Variants in MINDY3 observed in about 807,000 individuals in gnomAD.
The protein encoded by MINDY3 is MINDY lysine 48 deubiquitinase 3.
In MINDY3, 38 loss-of-function variants were observed where a neutral mutation model predicts 69.2. That is an observed-to-expected ratio of 0.55 (90% CI 0.42 to 0.72). The LOEUF is 0.72. MINDY3 is among the 30% of genes least tolerant of loss of function. MINDY3 has a pLI of 0.00. For synonymous variants in MINDY3, 192 were observed against 180.1 expected, an observed-to-expected ratio of 1.07 and a Z score of -0.53; for missense variants, 522 against 519.0, an observed-to-expected ratio of 1.01 and a Z score of -0.06.
chr10:15,798,162 T>C (rs1837976163), intron 10 of MINDY3, among the ~76,000 whole-genome samples: 1 of 152,196 alleles, frequency 6.6e-6, no homozygotes, highest in Non-Finnish European at 1.5e-5. Flanking sequence ...TGGTAATTTC[T>C]AAGTATTATT....
At chr10:15,858,791 T>C (rs141354676) in intron 1 of MINDY3, among the ~76,000 whole-genome samples, 29 of 152,332 alleles carry the variant, frequency 1.9e-4, no homozygotes, top group African/African-American at 5.3e-4. Flanking sequence ...GTTAACTGAT[T>C]ACAATGGAAG....
intron 1 of MINDY3, among the ~76,000 whole-genome samples, chr10:15,848,487 A>G (rs1588649355): frequency 6.6e-6 from 1 of 152,040 alleles, no homozygotes; most frequent in East Asian, 1.9e-4. Flanking sequence ...ACAAAAAATT[A>G]GCCAGGTGTG....
At chr10:15,831,065 A>G (rs377603697) in intron 8 of MINDY3, among the ~76,000 whole-genome samples, 2 of 152,220 alleles carry the variant, frequency 1.3e-5, no homozygotes, top group East Asian at 1.9e-4. Context: ...TTGAGATTCT[A>G]AAGTCAGCTG....
At chr10:15,799,463 C>G (rs1420830865) in intron 10 of MINDY3, among the ~76,000 whole-genome samples, 1 of 152,130 alleles carries the variant, frequency 6.6e-6, no homozygotes, top group South Asian at 2.1e-4. Flanking sequence ...TCCTAAAGTG[C>G]TGGGATTACA....
Position 15,814,400 on chromosome 10 carries a change from G to A in MINDY3, c.882+2435C>T, listed in dbSNP as rs75720422. On this transcript the variant is annotated intron_variant, in intron 10 of 14. Coordinates refer to ENST00000277632, the MANE Select transcript of MINDY3 (RefSeq NM_024948.4). ...TAAAATATTCTTAGGGGATATAAAC[G>A]TCACTGGAACCCAAATGCGGGAAAT... Among the ~76,000 whole-genome samples, 8 of 151,712 alleles carry A rather than the reference G, an allele frequency of 5.3e-5. No individual in the cohort carries two copies. In the South Asian group the frequency reaches 8.3e-4, roughly 16 times the overall value.
At chr10:15,796,433 G>A (rs1399508382) in intron 10 of MINDY3, among the ~76,000 whole-genome samples, 10 of 150,464 alleles carry the variant, frequency 6.6e-5, no homozygotes, top group African/African-American at 1.7e-4. Flanking sequence ...AAAACACTGG[G>A]GAAAAACGTC....
At chr10:15,810,319 T>C (rs1838912142) in intron 10 of MINDY3, among the ~76,000 whole-genome samples, 1 of 152,188 alleles carries the variant, frequency 6.6e-6, no homozygotes, top group African/African-American at 2.4e-5. Flanking sequence ...GTTATTTCAC[T>C]GGACAGAAGC....
intron 1 of MINDY3, 70 bp downstream of exon 1, chr10:15,860,136 G>A (rs1834992195): frequency 8.7e-7 from 1 of 1,146,216 alleles, no homozygotes; most frequent in Non-Finnish European, 1.3e-6. Context: ...TGGAGCGAGA[G>A]GCGTCACAGG....
At chr10:15,831,901 C>T (rs571922712) in intron 8 of MINDY3, among the ~76,000 whole-genome samples, 37 of 152,210 alleles carry the variant, frequency 2.4e-4, no homozygotes, top group South Asian at 4.1e-4. Flanking sequence ...GTCTCGAACT[C>T]CTCACCTCAG....
chr10:15,842,309 G>A (rs773358023), intron 3 of MINDY3, among the ~76,000 whole-genome samples: 17 of 151,808 alleles, frequency 1.1e-4, no homozygotes, highest in Admixed American at 2.6e-4. Flanking sequence ...TTTAACTGCA[G>A]GAACTATGCT....
intron 1 of MINDY3, among the ~76,000 whole-genome samples, chr10:15,854,102 G>C (rs906539925): frequency 6.6e-6 from 1 of 152,134 alleles, no homozygotes. Flanking sequence ...GCAGAGGTAA[G>C]AGATCTATTA....
intron 1 of MINDY3, among the ~76,000 whole-genome samples, chr10:15,856,216 G>T (rs559825653): frequency 6.6e-6 from 1 of 151,572 alleles, no homozygotes; most frequent in East Asian, 1.9e-4. Context: ...ACCCAAACAC[G>T]CCTTTAAACC....
At chr10:15,837,389 T>C in intron 5 of MINDY3, 71 bp from the exon 6 acceptor site, 2 of 1,276,040 alleles carry the variant, frequency 1.6e-6, no homozygotes, top group Non-Finnish European at 2.2e-6. Flanking sequence ...GGAAAATTTT[T>C]AAATTTTCTT....
intron 10 of MINDY3, among the ~76,000 whole-genome samples, chr10:15,815,275 A>T (rs1001480720): frequency 1.3e-5 from 2 of 152,214 alleles, no homozygotes; most frequent in Non-Finnish European, 2.9e-5. Context: ...AACTAAATGC[A>T]ATGTATCAGT....
chr10:15,839,438 A>G (rs1833310908), intron 4 of MINDY3, among the ~76,000 whole-genome samples: 1 of 151,740 alleles, frequency 6.6e-6, no homozygotes, highest in African/African-American at 2.4e-5. Context: ...AATATTAACA[A>G]GAGGGGAAAA....
chr10:15,779,034 A>C lies in MINDY3; in HGVS notation c.1296T>G (p.Ile432Met). The change falls in exon 15 of 15, where the codon ATT becomes ATG. Residue 432 changes from isoleucine (I) to methionine (M), a missense_variant. Ile to Met is a conservative substitution (Grantham distance 10). Transcript: ENST00000277632. ...AGCGATCTGTGGTCCAGAGTAACTCAATGTATGGCCATTTGGTTTGCAGAC... is the reference window on the plus strand; with the variant it reads ...AGCGATCTGTGGTCCAGAGTAACTCCATGTATGGCCATTTGGTTTGCAGAC... ...KRCLQTKWPY[I>M]ELLWTTDRSP... The C allele has an allele frequency of 6.2e-7, 1 of 1,613,600 alleles. No homozygotes were observed. The highest frequency in any genetic ancestry group is 1.1e-5 in the South Asian group (1 of 91,046).
intron 7 of MINDY3, 61 bp downstream of exon 7, chr10:15,834,482 T>A (rs2089451636): frequency 8.5e-7 from 1 of 1,171,240 alleles, no homozygotes; most frequent in African/African-American, 1.5e-5. Flanking sequence ...ATGTTTTATC[T>A]GAAGTCAAGT....
At chr10:15,859,888 G>A (rs1406500852) in intron 1 of MINDY3, among the ~76,000 whole-genome samples, 1 of 152,188 alleles carries the variant, frequency 6.6e-6, no homozygotes, top group Admixed American at 6.5e-5. Flanking sequence ...AAGTGACACC[G>A]GGGCACGGGG....
At chr10:15,837,429 A>C (rs1217519872) in intron 5 of MINDY3, 111 bp from the exon 6 acceptor site, 2 of 1,249,540 alleles carry the variant, frequency 1.6e-6, no homozygotes, top group African/African-American at 3.1e-5. Flanking sequence ...TACAAACAGG[A>C]AAGTTTTGGG....
Sources: allele counts gnomAD v4.1 joint callset (sites outside exome capture counted in the v4.1 genomes callset), GRCh38; gene constraint gnomAD v4.1.1; transcripts MANE v1.5; gene names NCBI Gene and HGNC (gene_info 2026-07-23, HGNC 2026-07-21).